Variants in CUX1 observed in about 807,000 individuals in gnomAD.
CUX1 encodes cut like homeobox 1.
Under a neutral mutation model 158.8 loss-of-function variants are expected in CUX1, and 31 were observed. That is an observed-to-expected ratio of 0.20 (90% CI 0.15 to 0.26). CUX1 has a LOEUF of 0.26. Among genes scored for constraint, CUX1 ranks in the 10% least tolerant of loss-of-function variants. The pLI is 1.00. For synonymous variants in CUX1, 879 were observed against 862.1 expected (o/e 1.02, Z -0.34); for missense variants, 1,589 against 2,014.6 (o/e 0.79, Z 4.04).
chr7:102,014,112 A>T (rs1818332420), intron 2 of CUX1, among the ~76,000 whole-genome samples: 1 of 152,196 alleles, frequency 6.6e-6, no homozygotes, highest in Non-Finnish European at 1.5e-5. Flanking sequence ...AGGTCCAAGC[A>T]GCTTCTAAAC....
At chr7:101,923,473 C>T (rs1805209872) in intron 2 of CUX1, among the ~76,000 whole-genome samples, 1 of 152,196 alleles carries the variant, frequency 6.6e-6, no homozygotes, top group Admixed American at 6.5e-5. Flanking sequence ...TCGGCCCAGT[C>T]CTACTCCAGA....
intron 20 of CUX1, among the ~76,000 whole-genome samples, chr7:102,207,365 T>C (rs1407713299): frequency 6.6e-6 from 1 of 152,114 alleles, no homozygotes; most frequent in Non-Finnish European, 1.5e-5. Context: ...ACCCAAAATC[T>C]TGAAGTCATA....
intron 3 of CUX1, among the ~76,000 whole-genome samples, chr7:102,038,125 G>A (rs1290258577): frequency 6.6e-6 from 1 of 151,896 alleles, no homozygotes; most frequent in African/African-American, 2.4e-5. Context: ...TAGAAAAAAG[G>A]TTTGCCGTTC....
intron 2 of CUX1, among the ~76,000 whole-genome samples, chr7:101,997,269 G>A (rs1816052596): frequency 6.6e-6 from 1 of 152,256 alleles, no homozygotes; most frequent in Non-Finnish European, 1.5e-5. Flanking sequence ...ATGAGTGCGT[G>A]CACGGAGCCT....
chr7:102,245,029 T>C (rs536199452), intron 23 of CUX1, among the ~76,000 whole-genome samples: 1 of 152,272 alleles, frequency 6.6e-6, no homozygotes, highest in East Asian at 1.9e-4. Flanking sequence ...TGTTTGTTTG[T>C]TTTCTGATTT....
At chr7:102,113,883 G>A (rs370440311) in intron 7 of CUX1, among the ~76,000 whole-genome samples, 11 of 152,278 alleles carry the variant, frequency 7.2e-5, no homozygotes, top group African/African-American at 2.4e-4. Context: ...AAAAAATATA[G>A]CAATTCTGGC....
chr7:102,028,959 A>T (rs1485800350), intron 3 of CUX1, among the ~76,000 whole-genome samples: 5 of 151,934 alleles, frequency 3.3e-5, no homozygotes, highest in Admixed American at 3.3e-4. Flanking sequence ...AAAGCCCCTG[A>T]AAGAGCCCAT....
At position 101,952,484 on chromosome 7, in the gene CUX1, C is replaced by T. The variant is rs1809196331; in HGVS notation, c.141+36259C>T. On this transcript the variant is annotated intron_variant, in intron 2 of 23. Coordinates refer to ENST00000292535, the MANE Select transcript of CUX1 (RefSeq NM_181552.4). Reference sequence around the variant, plus strand: ...GCCGCCTGTGCCTTCACCAGCTCTCCTGGTTAAGGCCTGAGAACCCTGCTA... The same window carrying T: ...GCCGCCTGTGCCTTCACCAGCTCTCTTGGTTAAGGCCTGAGAACCCTGCTA... Among the ~76,000 whole-genome samples the T allele has an allele frequency of 2.0e-5, 3 of 152,354 alleles. No individual in the cohort carries two copies. The South Asian group carries it at 6.2e-4, about 32-fold the overall frequency.
At chr7:101,838,291 G>A (rs1388331008) in intron 1 of CUX1, among the ~76,000 whole-genome samples, 5 of 151,128 alleles carry the variant, frequency 3.3e-5, no homozygotes, top group Non-Finnish European at 7.4e-5. Context: ...CACCATGCCC[G>A]GCTAATTTTT....
chr7:102,098,522 G>A (rs1554485113), intron 5 of CUX1, among the ~76,000 whole-genome samples: 1 of 152,078 alleles, frequency 6.6e-6, no homozygotes, highest in Non-Finnish European at 1.5e-5. Flanking sequence ...GAGGCGGGAG[G>A]ATCGCTTGAA....
chr7:102,048,060 C>T (rs1007292471), intron 3 of CUX1, among the ~76,000 whole-genome samples: 31 of 152,242 alleles, frequency 2.0e-4, no homozygotes, highest in African/African-American at 7.0e-4. Flanking sequence ...CAGCATTTTA[C>T]GTCTACAAAG....
At chr7:102,115,639 G>T in intron 8 of CUX1, 1 of 184,620 alleles carries the variant, frequency 5.4e-6, no homozygotes, top group Non-Finnish European at 1.1e-5. Context: ...CTTTAGGAAG[G>T]CCTGCCCCAG....
chr7:102,215,882 C>T (rs1470002572), intron 20 of CUX1, among the ~76,000 whole-genome samples: 1 of 152,230 alleles, frequency 6.6e-6, no homozygotes, highest in Non-Finnish European at 1.5e-5. Context: ...GGAGGACAGG[C>T]TGCTCTCGGG....
rs541913652 is a variant in CUX1 at position 101,917,103 on chromosome 7, G to A, written c.141+878G>A. Among the ~76,000 whole-genome samples, 57 of 152,282 alleles carry A rather than the reference G, an allele frequency of 3.7e-4. No homozygotes were observed. The South Asian group carries it at 0.011, about 30-fold the overall frequency. On this transcript the variant is annotated intron_variant, in intron 2 of 23. Transcript: ENST00000292535. ...GCTTCGGCCCGGCTTCCGGGCTTGG[G>A]GAATCTTCTCCGTATCGTAGCTCTT...
chr7:102,242,768 G>T (rs1286758920), intron 23 of CUX1, among the ~76,000 whole-genome samples: 2 of 152,164 alleles, frequency 1.3e-5, no homozygotes, highest in African/African-American at 4.8e-5. Context: ...CCTGGCCAGG[G>T]TACACACCCT....
chr7:102,277,928 TC>T (rs1298423397), intron 17 of CUX1: 9 of 1,043,498 alleles, frequency 8.6e-6, no homozygotes, highest in Non-Finnish European at 1.1e-5. Flanking sequence ...CCCACCCCTT[TC>T]CTTGCCCCTC....
rs180891234 is a variant in CUX1 at position 102,255,167 on chromosome 7, G to A, written c.*6125G>A. 5,031 of 985,402 alleles carry A rather than the reference G, an allele frequency of 5.1e-3. 17 individuals carry two copies. The highest frequency in any genetic ancestry group is 5.7e-3 in the Non-Finnish European group (4,705 of 829,972). 61.0% of individuals were successfully genotyped at this position (985,402 alleles called of 1,614,324 possible). Reference sequence around the variant, plus strand: ...GGGAATAGAAGGAAATGCAATTTCCGCCTGTCTGCCCGACTTCCAAAAACT... The same window carrying A: ...GGGAATAGAAGGAAATGCAATTTCCACCTGTCTGCCCGACTTCCAAAAACT... On this transcript the variant is annotated 3_prime_UTR_variant, in exon 24 of 24. Coordinates refer to ENST00000292535, the MANE Select transcript of CUX1 (RefSeq NM_181552.4).
Position 102,256,403 on chromosome 7 carries a change from G to A in CUX1, c.*7361G>A. On this transcript the variant is annotated 3_prime_UTR_variant, in exon 24 of 24. Transcript: ENST00000292535. The stretch of plus-strand genomic sequence containing the variant: ...GGAGTGTATTGTTATTTTGTGTTTT[G>A]TTGTCATAAATGCTTTTTGCTGTCA... 1.0e-6 allele frequency: 1 copy of A among 985,228 alleles called. No individual in the cohort carries two copies. Among genetic ancestry groups the A allele is most frequent in the Non-Finnish European group, 1.2e-6 (1 of 829,856 alleles). The allele number at this position is 985,228 out of a possible 1,614,324, so 61.0% of individuals were successfully genotyped here. A position where few individuals can be genotyped will look rare whatever the true frequency, so the allele number is the denominator to read the frequency against.
At chr7:101,932,465 G>A (rs1806397246) in intron 2 of CUX1, 7 of 409,130 alleles carry the variant, frequency 1.7e-5, no homozygotes, top group South Asian at 1.0e-4. Flanking sequence ...ATTTTAAAAC[G>A]TGCATCGCTT....
Sources: allele counts gnomAD v4.1 joint callset (sites outside exome capture counted in the v4.1 genomes callset), GRCh38; gene constraint gnomAD v4.1.1; transcripts MANE v1.5; gene names NCBI Gene and HGNC (gene_info 2026-07-23, HGNC 2026-07-21).